EPC1: variants seen among roughly 807,000 people sequenced by gnomAD.
EPC1 encodes the protein enhancer of polycomb homolog 1.
A neutral mutation model predicts 98.4 loss-of-function variants in EPC1; 12 were observed. That is an observed-to-expected ratio of 0.12 (90% CI 0.08 to 0.20). The LOEUF (loss-of-function observed/expected upper bound fraction) is 0.20, where lower values mean the gene tolerates loss of function less well. EPC1 is among the 10% of genes least tolerant of loss of function. EPC1 has a pLI of 1.00. For synonymous variants in EPC1, 357 were observed against 363.9 expected (o/e 0.98, Z 0.21); for missense variants, 729 against 990.5 (o/e 0.74, Z 3.54).
At chr10:32,278,323 T>G (rs1239687268) in intron 10 of EPC1, among the ~76,000 whole-genome samples, 1 of 151,262 alleles carries the variant, frequency 6.6e-6, no homozygotes, top group Non-Finnish European at 1.5e-5. Context: ...ATTATAGGCG[T>G]GAACCACAGC....
At chr10:32,342,893 A>G (rs1838459299) in intron 1 of EPC1, among the ~76,000 whole-genome samples, 1 of 150,372 alleles carries the variant, frequency 6.7e-6, no homozygotes, top group Non-Finnish European at 1.5e-5. Context: ...ATTTTAATCA[A>G]GAGTCAATTT....
intron 1 of EPC1, among the ~76,000 whole-genome samples, chr10:32,370,643 GT>G (rs1839719030): frequency 6.6e-6 from 1 of 152,158 alleles, no homozygotes; most frequent in Non-Finnish European, 1.5e-5. Context: ...GACCAGGGCT[GT>G]TCAATAGAGC....
At chr10:32,360,883 A>G (rs191050895) in intron 1 of EPC1, among the ~76,000 whole-genome samples, 1,725 of 105,540 alleles carry the variant, frequency 0.016, 37 homozygotes, top group African/African-American at 0.06. Context: ...GACAGAGTGA[A>G]ACTCCATCTC....
intron 2 of EPC1, among the ~76,000 whole-genome samples, chr10:32,304,178 T>C (rs1835739865): frequency 6.6e-6 from 1 of 152,230 alleles, no homozygotes; most frequent in Non-Finnish European, 1.5e-5. Flanking sequence ...TCACTAGTTA[T>C]CAGTCAAATG....
Position 32,293,014 on chromosome 10 carries a change from G to A in EPC1, c.640C>T (p.Arg214Cys). 3.8e-6 allele frequency: 6 copies of A among 1,587,896 alleles called. No individual in the cohort carries two copies. The highest frequency in any genetic ancestry group is 5.1e-6 in the Non-Finnish European group (6 of 1,166,968). The part of the protein sequence containing the change: ...TNDPYVAFRR[R>C]TEKMQTRKNR... ...TTTCGAGTCTGCATTTTTTCAGTAC[G>A]CCTTCTAAAAGCCACATAAGGATCA... is the stretch of plus-strand genomic sequence containing the variant. Residue 214 changes from arginine (R) to cysteine (C), a missense_variant, in exon 4 of 14, where the codon CGT (arginine) becomes TGT (cysteine). Transcript: ENST00000319778.
intron 1 of EPC1, among the ~76,000 whole-genome samples, chr10:32,323,305 T>C (rs1837050412): frequency 1.3e-5 from 2 of 152,320 alleles, no homozygotes; most frequent in South Asian, 4.1e-4. Context: ...AGTGTCTTCC[T>C]GGACTGGTTA....
At chr10:32,299,236 A>G (rs1013970159) in intron 2 of EPC1, among the ~76,000 whole-genome samples, 1 of 151,990 alleles carries the variant, frequency 6.6e-6, no homozygotes, top group Non-Finnish European at 1.5e-5. Context: ...CCCAGACTGG[A>G]GTGCAGTGGC....
At chr10:32,298,022 C>A (rs1335981757) in intron 2 of EPC1, among the ~76,000 whole-genome samples, 1 of 152,106 alleles carries the variant, frequency 6.6e-6, no homozygotes, top group African/African-American at 2.4e-5. Context: ...TGGTCTCGAT[C>A]TCCTGACCTC....
chr10:32,363,413 T>G (rs1839500493), intron 1 of EPC1, among the ~76,000 whole-genome samples: 1 of 151,888 alleles, frequency 6.6e-6, no homozygotes, highest in Non-Finnish European at 1.5e-5. Context: ...AAGGAATAAT[T>G]TTCACTGTAG....
intron 1 of EPC1, among the ~76,000 whole-genome samples, chr10:32,324,896 G>C (rs1338334818): frequency 6.6e-6 from 1 of 152,096 alleles, no homozygotes; most frequent in African/African-American, 2.4e-5. Context: ...GCGAGGCTGA[G>C]GCAGGAAAAT....
intron 11 of EPC1, 105 bp from the exon 12 acceptor site, chr10:32,272,272 G>A (rs1835886896): frequency 1.1e-6 from 1 of 891,266 alleles, no homozygotes; most frequent in Non-Finnish European, 1.6e-6. Context: ...AGTAAAAATG[G>A]CAAACCACTG....
At chr10:32,376,194 T>A (rs1839868021) in intron 1 of EPC1, among the ~76,000 whole-genome samples, 1 of 152,012 alleles carries the variant, frequency 6.6e-6, no homozygotes. Flanking sequence ...TAATCAATGA[T>A]GTAATAGTCA....
intron 9 of EPC1, chr10:32,285,361 G>A: frequency 8.1e-6 from 2 of 248,346 alleles, no homozygotes; most frequent in South Asian, 8.4e-5. Flanking sequence ...CCTTTTGGGG[G>A]GAAAGGGAGA....
intron 1 of EPC1, among the ~76,000 whole-genome samples, chr10:32,320,589 G>C (rs1026403513): frequency 7.2e-5 from 11 of 152,184 alleles, no homozygotes; most frequent in African/African-American, 2.4e-4. Flanking sequence ...TTCTTAATTA[G>C]TCATTTGACC....
intron 1 of EPC1, among the ~76,000 whole-genome samples, chr10:32,344,540 C>CTT (rs1371628976): frequency 6.7e-6 from 1 of 149,928 alleles, no homozygotes; most frequent in Non-Finnish European, 1.5e-5. Flanking sequence ...AATCCCAGCA[C>CTT]TTTGGGAGGT....
At chr10:32,288,186 T>C (rs1340947988) in intron 6 of EPC1, among the ~76,000 whole-genome samples, 2 of 152,146 alleles carry the variant, frequency 1.3e-5, no homozygotes, top group Non-Finnish European at 2.9e-5. Context: ...CAATTTCTAC[T>C]GTTGTATTTG....
chr10:32,343,410 CA>C (rs2133044614), intron 1 of EPC1, among the ~76,000 whole-genome samples: 1 of 152,262 alleles, frequency 6.6e-6, no homozygotes, highest in South Asian at 2.1e-4. Flanking sequence ...AGGGTTTCAC[CA>C]TGTTGGCCAG....
chr10:32,322,276 C>A (rs1836974134), intron 1 of EPC1, among the ~76,000 whole-genome samples: 1 of 152,030 alleles, frequency 6.6e-6, no homozygotes, highest in Non-Finnish European at 1.5e-5. Context: ...GGATTTCTAA[C>A]ACTTTGCTTC....
At chr10:32,341,693 G>A (rs1222840013) in intron 1 of EPC1, among the ~76,000 whole-genome samples, 1 of 152,218 alleles carries the variant, frequency 6.6e-6, no homozygotes. Context: ...GGCATGTAAA[G>A]TGTTCAAAAG....
Sources: gnomAD v4.1 joint callset for allele counts (sites outside exome capture counted in the v4.1 genomes callset) on GRCh38, gnomAD v4.1.1 for gene constraint, MANE v1.5 for transcripts, NCBI Gene and HGNC (gene_info 2026-07-23, HGNC 2026-07-21) for gene names.